The following SNX7 variants were observed in gnomAD, a reference collection of about 807,000 sequenced individuals.
SNX7 encodes sorting nexin 7, also known as sorting nexin-7.
A neutral mutation model predicts 48.4 loss-of-function variants in SNX7; 35 were observed. The observed-to-expected ratio is 0.72, with a 90% CI of 0.55 to 0.96. The LOEUF (loss-of-function observed/expected upper bound fraction) is 0.96. SNX7 is among the 40% of genes least tolerant of loss of function. The pLI is 0.00. For synonymous variants in SNX7, 190 were observed against 190.2 expected, an observed-to-expected ratio of 1.00 and a Z score of 0.01; for missense variants, 553 against 548.9, an observed-to-expected ratio of 1.01 and a Z score of -0.07.
chr1:98,759,578 A>G (rs373845030), intron 8 of SNX7, among the ~76,000 whole-genome samples: 3 of 152,084 alleles, frequency 2.0e-5, no homozygotes, highest in South Asian at 4.1e-4. Flanking sequence ...TACAGATTAT[A>G]TACATTTAAT....
intron 7 of SNX7, among the ~76,000 whole-genome samples, chr1:98,708,778 C>G (rs1652147034): frequency 6.6e-6 from 1 of 152,146 alleles, no homozygotes; most frequent in South Asian, 2.1e-4. Flanking sequence ...AAACTGTGTT[C>G]TCCTATTTAT....
intron 4 of SNX7, among the ~76,000 whole-genome samples, chr1:98,694,506 C>T (rs114786367): frequency 3.0e-3 from 455 of 150,568 alleles, no homozygotes; most frequent in African/African-American, 4.7e-3. Context: ...TGACTTTAAG[C>T]GGGCAGAGCA....
chr1:98,745,985 T>G (rs1654291425), intron 8 of SNX7, among the ~76,000 whole-genome samples: 1 of 152,082 alleles, frequency 6.6e-6, no homozygotes, highest in Admixed American at 6.6e-5. Context: ...ACTTTTTTGT[T>G]GAGCAATCAG....
In SNX7 at chr1:98,676,312, C is replaced by T. The variant is rs545421880; in HGVS notation, c.181-8573C>T. ...TATGGATAGAATTCATTATACCCTC[C>T]CATAGAGATATAAAATGATTTATTT... On this transcript the variant is annotated intron_variant, in intron 1 of 8. Transcript: ENST00000306121. Among the ~76,000 whole-genome samples the T allele has an allele frequency of 4.6e-5, 7 of 152,102 alleles. No individual in the cohort carries two copies. The East Asian group carries it at 1.2e-3, about 25-fold the overall frequency.
chr1:98,746,601 T>G (rs773159357), intron 8 of SNX7, among the ~76,000 whole-genome samples: 1 of 152,094 alleles, frequency 6.6e-6, no homozygotes, highest in Non-Finnish European at 1.5e-5. Flanking sequence ...TAATGCTCAT[T>G]AGAGTGTTCA....
At chr1:98,733,322 G>A (rs1311498424) in intron 7 of SNX7, among the ~76,000 whole-genome samples, 1 of 152,102 alleles carries the variant, frequency 6.6e-6, no homozygotes, top group Non-Finnish European at 1.5e-5. Context: ...TCCTGACTCT[G>A]CCTCCTAGCA....
At chr1:98,714,564 A>G (rs1264333464) in intron 7 of SNX7, among the ~76,000 whole-genome samples, 1 of 152,208 alleles carries the variant, frequency 6.6e-6, no homozygotes, top group Non-Finnish European at 1.5e-5. Context: ...CCAGGAGGGG[A>G]AGTATCTAGA....
intron 1 of SNX7, among the ~76,000 whole-genome samples, chr1:98,674,487 A>T (rs1650052312): frequency 6.6e-6 from 1 of 152,072 alleles, no homozygotes; most frequent in African/African-American, 2.4e-5. Flanking sequence ...TACCCTTTTT[A>T]TAGAAAGATA....
At chr1:98,665,197 A>T (rs1171386726) in intron 1 of SNX7, among the ~76,000 whole-genome samples, 1 of 152,230 alleles carries the variant, frequency 6.6e-6, no homozygotes, top group Non-Finnish European at 1.5e-5. Context: ...GGATCATAAA[A>T]GTGAGATATA....
chr1:98,685,167 T>G, intron 2 of SNX7, 100 bp downstream of exon 2: 2 of 722,696 alleles, frequency 2.8e-6, no homozygotes, highest in Non-Finnish European at 4.0e-6. Flanking sequence ...TTCCAAGATC[T>G]TAGCTGAATT....
chr1:98,730,647 T>C (rs1260850124), intron 7 of SNX7, among the ~76,000 whole-genome samples: 1 of 151,984 alleles, frequency 6.6e-6, no homozygotes, highest in East Asian at 1.9e-4. Flanking sequence ...TGAATTCCCG[T>C]TCACAGTTTC....
chr1:98,752,297 A>ACAATATT (rs1401337466), intron 8 of SNX7, among the ~76,000 whole-genome samples: 7 of 152,036 alleles, frequency 4.6e-5, no homozygotes, highest in Non-Finnish European at 8.8e-5. Flanking sequence ...AGCCTTAGAG[A>ACAATATT]TCATCTTTTT....
At chr1:98,667,148 G>A (rs148737210) in intron 1 of SNX7, among the ~76,000 whole-genome samples, 86 of 152,218 alleles carry the variant, frequency 5.6e-4, no homozygotes, top group African/African-American at 1.7e-3. Context: ...CGTTTTATAC[G>A]ACTATGTTTT....
chr1:98,722,109 G>A (rs1297653332), intron 7 of SNX7, among the ~76,000 whole-genome samples: 1 of 152,012 alleles, frequency 6.6e-6, no homozygotes, highest in African/African-American at 2.4e-5. Flanking sequence ...GGTGTTGAAG[G>A]TGCTGGCTTG....
At chr1:98,681,742 A>G (rs1247619272) in intron 1 of SNX7, among the ~76,000 whole-genome samples, 1 of 152,204 alleles carries the variant, frequency 6.6e-6, no homozygotes, top group Non-Finnish European at 1.5e-5. Context: ...GGGGAAGAAC[A>G]TTTTAGGATA....
chr1:98,674,402 A>G (rs114647218), intron 1 of SNX7, among the ~76,000 whole-genome samples: 1 of 152,120 alleles, frequency 6.6e-6, no homozygotes, highest in Non-Finnish European at 1.5e-5. Flanking sequence ...ACTTCCCAAC[A>G]TGGCTTATAG....
intron 7 of SNX7, among the ~76,000 whole-genome samples, chr1:98,719,718 G>A (rs1469059762): frequency 2.0e-5 from 3 of 151,202 alleles, no homozygotes; most frequent in Non-Finnish European, 4.4e-5. Flanking sequence ...TACCTTTAAG[G>A]ATGAGTTAGA....
In SNX7 at chr1:98,695,632, G is replaced by A. The variant is rs913464608; in HGVS notation, c.754G>A (p.Glu252Lys). 3.7e-6 allele frequency: 6 copies of A among 1,612,780 alleles called. No homozygotes were observed. In the African/African-American group the frequency reaches 5.3e-5, roughly 14 times the overall value. Residue 252 changes from glutamate (E) to lysine (K), a missense_variant, in exon 5 of 9, where the codon GAA becomes AAA. Transcript: ENST00000306121. Reference sequence around the variant, plus strand: ...TAAAAACCGCCCAGAGGAGTTCATGGAAATGAATAACTTTATTGAACTATT... The same window carrying A: ...TAAAAACCGCCCAGAGGAGTTCATGAAAATGAATAACTTTATTGAACTATT... ...GVKNRPEEFM[E>K]MNNFIELFSQ...
At chr1:98,673,165 T>A (rs1649973583) in intron 1 of SNX7, among the ~76,000 whole-genome samples, 1 of 152,230 alleles carries the variant, frequency 6.6e-6, no homozygotes. Context: ...TTAGATAAAA[T>A]GTATGAATAC....
Sources: gnomAD v4.1 joint callset for allele counts (sites outside exome capture counted in the v4.1 genomes callset) on GRCh38, gnomAD v4.1.1 for gene constraint, MANE v1.5 for transcripts, NCBI Gene and HGNC (gene_info 2026-07-23, HGNC 2026-07-21) for gene names.